ACSF3: variants seen among roughly 807,000 people sequenced by gnomAD.
The protein encoded by ACSF3 is acyl-CoA synthetase family member 3, also known as malonate--CoA ligase ACSF3, mitochondrial.
Under a neutral mutation model 53.2 loss-of-function variants are expected in ACSF3, and 78 were observed. The observed-to-expected ratio is 1.47, with a 90% confidence interval of 1.22 to 1.77. The LOEUF is 1.77. ACSF3 is among the 40% of genes most tolerant of loss of function. The probability of loss-of-function intolerance (pLI) is 0.00; values close to 1 mark genes in which losing one functional copy is unlikely to be tolerated. For missense variants in ACSF3, 937 were observed against 771.1 expected (o/e 1.22, Z -2.55); for synonymous variants, 414 against 333.1 (o/e 1.24, Z -2.65).
At chr16:89,152,917 T>C (rs1163952466) in intron 10 of ACSF3, 1 of 151,918 alleles carries the variant, frequency 6.6e-6, no homozygotes, top group Non-Finnish European at 1.5e-5. Context: ...GATTTGGAAA[T>C]GTGGAGGTCG....
intron 1 of ACSF3, among the ~76,000 whole-genome samples, chr16:89,097,178 C>CA (rs1270303350): frequency 1.8e-4 from 27 of 152,206 alleles, no homozygotes; most frequent in Non-Finnish European, 3.5e-4. Flanking sequence ...AGCGTGTGCT[C>CA]AGCGTGTGGT....
At chr16:89,098,841 G>C in intron 2 of ACSF3, 78 bp downstream of exon 2, 2 of 449,770 alleles carry the variant, frequency 4.4e-6, no homozygotes, top group South Asian at 3.1e-5. Flanking sequence ...AACAGAGTGT[G>C]GTTGAGGCAA....
intron 7 of ACSF3, among the ~76,000 whole-genome samples, chr16:89,121,893 A>G (rs1906731409): frequency 6.6e-6 from 1 of 152,210 alleles, no homozygotes; most frequent in Non-Finnish European, 1.5e-5. Flanking sequence ...ACCAAGTAGG[A>G]TGTGGGTGGC....
At chr16:89,094,754 G>T (rs1410324388) in intron 1 of ACSF3, among the ~76,000 whole-genome samples, 1 of 152,168 alleles carries the variant, frequency 6.6e-6, no homozygotes, top group East Asian at 1.9e-4. Flanking sequence ...AATTAGCTGG[G>T]TGTGGTGGCG....
chr16:89,123,905 C>T (rs6500534), intron 7 of ACSF3, among the ~76,000 whole-genome samples: 136,586 of 152,206 alleles, frequency 0.9, 61,668 homozygotes, highest in Admixed American at 0.93. Flanking sequence ...ATCACAGGTA[C>T]CACACACACA....
At position 89,155,484 on chromosome 16, in the gene ACSF3, C is replaced by G. The variant is rs1240616761; in HGVS notation, c.*1277C>G. 3 of 454,158 alleles carry G rather than the reference C, an allele frequency of 6.6e-6. No individual in the cohort carries two copies. The highest frequency in any genetic ancestry group is 4.7e-5 in the South Asian group (3 of 64,476). The allele number at this position is 454,158 out of a possible 1,614,324, so 28.1% of individuals were successfully genotyped here. A position where few individuals can be genotyped will look rare whatever the true frequency, so the allele number is the denominator to read the frequency against. On this transcript the variant is annotated 3_prime_UTR_variant, in exon 11 of 11. Coordinates refer to ENST00000614302, the MANE Select transcript of ACSF3 (RefSeq NM_001243279.3). The stretch of plus-strand genomic sequence containing the variant: ...TGTCTGAGGCCACAGAGCAGCGTCC[C>G]AGCCCTGTTTTCCAGGACTGGTGGG...
intron 7 of ACSF3, among the ~76,000 whole-genome samples, chr16:89,126,997 G>A (rs1259810280): frequency 1.2e-5 from 1 of 80,736 alleles, no homozygotes; most frequent in East Asian, 2.2e-4. Context: ...CGGTATTGAT[G>A]GACTTTTCTT....
chr16:89,135,280 G>A (rs930414075), intron 8 of ACSF3, among the ~76,000 whole-genome samples: 3 of 152,258 alleles, frequency 2.0e-5, no homozygotes, highest in African/African-American at 4.8e-5. Flanking sequence ...GGCTCCTTGA[G>A]GGATGCTGGA....
intron 8 of ACSF3, among the ~76,000 whole-genome samples, chr16:89,143,639 C>T (rs1173253357): frequency 6.6e-6 from 1 of 152,172 alleles, no homozygotes; most frequent in African/African-American, 2.4e-5. Context: ...GGACTTGGGA[C>T]AGGCTGTGTC....
chr16:89,094,654 C>T (rs974598056), intron 1 of ACSF3, among the ~76,000 whole-genome samples: 44 of 152,146 alleles, frequency 2.9e-4, no homozygotes, highest in Admixed American at 2.0e-4. Flanking sequence ...GCGCTTTGGG[C>T]AGCAGAGGCA....
At chr16:89,154,004 G>A (rs1465142275) in intron 10 of ACSF3, 86 bp from the exon 11 acceptor site, 11 of 1,392,196 alleles carry the variant, frequency 7.9e-6, no homozygotes, top group Middle Eastern at 4.1e-4. Flanking sequence ...GGTCCCAGGG[G>A]CACCTGTCCG....
At chr16:89,150,860 C>G in intron 10 of ACSF3, 1 of 656,878 alleles carries the variant, frequency 1.5e-6, no homozygotes, top group South Asian at 1.8e-5. Context: ...GACTGCAGTG[C>G]TTGTCCATTC....
chr16:89,114,973 T>G, intron 6 of ACSF3: 1 of 251,736 alleles, frequency 4.0e-6, no homozygotes, highest in Non-Finnish European at 8.0e-6. Context: ...GGGCTCCTGA[T>G]ACCGGGCCCC....
At chr16:89,102,898 T>C in intron 4 of ACSF3, 139 bp downstream of exon 4, 1 of 1,243,994 alleles carries the variant, frequency 8.0e-7, no homozygotes, top group Non-Finnish European at 1.1e-6. Flanking sequence ...GCCCTCAGAC[T>C]AGGCATCTTT....
chr16:89,100,064 C>T (rs545944053), intron 2 of ACSF3, among the ~76,000 whole-genome samples: 28 of 152,114 alleles, frequency 1.8e-4, no homozygotes, highest in African/African-American at 6.7e-4. Flanking sequence ...TGGCATGAGC[C>T]CAGGAAGTCG....
intron 4 of ACSF3, among the ~76,000 whole-genome samples, chr16:89,103,877 G>C (rs1399002557): frequency 6.6e-6 from 1 of 152,228 alleles, no homozygotes; most frequent in Non-Finnish European, 1.5e-5. Context: ...AGTCATCGCC[G>C]AGCTGCTGCG....
chr16:89,120,742 T>G, intron 6 of ACSF3, 59 bp from the exon 7 acceptor site: 1 of 1,525,822 alleles, frequency 6.6e-7, no homozygotes, highest in Non-Finnish European at 9.1e-7. Flanking sequence ...AGTGTGTGCT[T>G]CTCTCCTCCA....
At chr16:89,136,808 A>G in intron 8 of ACSF3, 1 of 1,287,002 alleles carries the variant, frequency 7.8e-7, no homozygotes, top group South Asian at 1.2e-5. Flanking sequence ...CTGCTCAAGG[A>G]GATGGCAAAG....
chr16:89,098,419 T>C lies in ACSF3; in HGVS notation c.-193-172T>C, dbSNP rs115952813. On this transcript the variant is annotated intron_variant, in intron 1 of 10. Transcript: ENST00000614302. ...TGTGGGAGGAGACTCGACAGGGTCATGGGGTCACTGCTGCCCGTTGTCGGG... is the reference window on the plus strand; with the variant it reads ...TGTGGGAGGAGACTCGACAGGGTCACGGGGTCACTGCTGCCCGTTGTCGGG... Among the ~76,000 whole-genome samples, 322 of 152,316 alleles carry C rather than the reference T, an allele frequency of 2.1e-3. 1 individual carries two copies. Among genetic ancestry groups the C allele is most frequent in the African/African-American group, 7.1e-3 (295 of 41,560 alleles).
Sources: allele counts gnomAD v4.1 joint callset (sites outside exome capture counted in the v4.1 genomes callset), GRCh38; gene constraint gnomAD v4.1.1; transcripts MANE v1.5; gene names NCBI Gene and HGNC (gene_info 2026-07-23, HGNC 2026-07-21).